The following GJE1 variants were observed in gnomAD, a reference collection of about 807,000 sequenced individuals.
The protein encoded by GJE1 is gap junction epsilon-1 protein.
Under a neutral mutation model 6.2 loss-of-function variants are expected in GJE1, and 9 were observed. The observed-to-expected ratio is 1.45, with a 90% confidence interval of 0.87 to 2.52. The LOEUF is 2.52. Ranked by LOEUF, GJE1 falls within the 30% of genes most tolerant of loss-of-function variation. GJE1 has a pLI of 0.00. For synonymous variants in GJE1, 65 were observed against 30.1 expected (o/e 2.16, Z -3.80); for missense variants, 190 against 87.7 (o/e 2.17, Z -4.66).
chr6:142,133,224 A>C, intron 1 of GJE1, 27 bp downstream of exon 1: 1 of 645,360 alleles, frequency 1.5e-6, no homozygotes, highest in Non-Finnish European at 2.8e-6. Context: ...CAAAAAATCA[A>C]TTGTATGAGT....
chr6:142,134,606 T>C (rs761569315), exon 3 of GJE1: 26 of 668,788 alleles, frequency 3.9e-5, no homozygotes, highest in Non-Finnish European at 6.2e-5. Context: ...TGTAAAAGCA[T>C]CAATCAAGAA....
rs529971744 is a variant in GJE1 at position 142,133,763 on chromosome 6, T to C, written c.40-87T>C. On this transcript the variant is annotated intron_variant, in intron 1 of 2. Coordinates refer to ENST00000450456, the Ensembl canonical transcript of GJE1. ...CTTCAAAACTTCTTGACTCTTACAT[T>C]TTTTAAATGTGATATAAGGATTTTT... The C allele has an allele frequency of 1.9e-5, 10 of 526,880 alleles. No individual in the cohort carries two copies. The South Asian group carries it at 2.9e-4, about 15-fold the overall frequency. 32.6% of individuals were successfully genotyped at this position (526,880 alleles called of 1,614,324 possible).
chr6:142,134,440 G>T, intron 2 of GJE1, 99 bp from the exon 3 acceptor site: 1 of 442,916 alleles, frequency 2.3e-6, no homozygotes, highest in Non-Finnish European at 4.0e-6. Context: ...TTTTAAATTA[G>T]ACTCTGTTGA....
In GJE1 at chr6:142,134,046, T is replaced by G. The variant is rs1053172204; in HGVS notation, c.234+2T>G. On this transcript the variant is annotated splice_donor_variant, in intron 2 of 2. Transcript: ENST00000450456. LOFTEE classifies it high-confidence loss of function. ...ATCACTCCACAAGTAAGTTTTTCTG[T>G]GTGCACATAAACATTAACTCTACAA... 7.4e-6 allele frequency: 5 copies of G among 672,046 alleles called. No homozygotes were observed. Among genetic ancestry groups the G allele is most frequent in the Admixed American group, 4.1e-5 (2 of 48,806 alleles). 41.6% of individuals were successfully genotyped at this position (672,046 alleles called of 1,614,324 possible).
At chr6:142,134,860 T>A (rs1157014010) in exon 3 of GJE1, 1 of 637,898 alleles carries the variant, frequency 1.6e-6, no homozygotes, top group Non-Finnish European at 2.8e-6. Flanking sequence ...TACAATTTTA[T>A]TATTTGTTGC....
At chr6:142,133,858 T>A (rs758652886) in exon 2 of GJE1, 1 of 690,568 alleles carries the variant, frequency 1.4e-6, no homozygotes, top group Non-Finnish European at 2.7e-6. Context: ...AGGTTAAACC[T>A]CCAACTGTGA....
chr6:142,133,909 A>C (rs1264602844), exon 2 of GJE1: 1 of 702,388 alleles, frequency 1.4e-6, no homozygotes, highest in Non-Finnish European at 2.6e-6. Context: ...CGATCCGAAT[A>C]TTCTTCCTCG....
chr6:142,133,019 G>C, upstream of GJE1: 1 of 481,282 alleles, frequency 2.1e-6, no homozygotes, highest in African/African-American at 1.9e-5. Context: ...AAAGGAGGAG[G>C]GGAGAGAAAT....
Position 142,134,058 on chromosome 6 carries a change from C to T in GJE1, c.234+14C>T, listed in dbSNP as rs573282393. 13 of 652,950 alleles carry T rather than the reference C, an allele frequency of 2.0e-5. No individual in the cohort carries two copies. The East Asian group carries it at 3.3e-4, about 17-fold the overall frequency. The allele number at this position is 652,950 out of a possible 1,614,324, so 40.4% of individuals were successfully genotyped here. ...GTAAGTTTTTCTGTGTGCACATAAA[C>T]ATTAACTCTACAACAAACTCATTTT... On this transcript the variant is annotated intron_variant, in intron 2 of 2. Coordinates refer to ENST00000450456, the Ensembl canonical transcript of GJE1.
chr6:142,133,018 G>A, upstream of GJE1: 1 of 481,782 alleles, frequency 2.1e-6, no homozygotes, highest in East Asian at 3.1e-5. Context: ...TAAAGGAGGA[G>A]GGGAGAGAAA....
chr6:142,133,190 A>G, exon 1 of GJE1: 1 of 685,698 alleles, frequency 1.5e-6, no homozygotes, highest in Non-Finnish European at 2.7e-6. Context: ...AACTTCTATG[A>G]AGGATGTGTA....
intron 1 of GJE1, 56 bp downstream of exon 1, chr6:142,133,253 CCT>C (rs1247889803): frequency 1.7e-6 from 1 of 591,102 alleles, no homozygotes; most frequent in African/African-American, 1.8e-5. Flanking sequence ...AGTATTTTAC[CCT>C]GAATTGCATA....
chr6:142,134,663 T>C, exon 3 of GJE1: 1 of 695,552 alleles, frequency 1.4e-6, no homozygotes, highest in Non-Finnish European at 2.6e-6. Context: ...ATACTCTCTG[T>C]TTTATTAAGA....
exon 3 of GJE1, chr6:142,135,061 TG>T: frequency 2.4e-6 from 1 of 410,742 alleles, no homozygotes; most frequent in Non-Finnish European, 4.3e-6. Flanking sequence ...AGTGCCTGGT[TG>T]TAAGGTAAGG....
At chr6:142,133,790 T>C in intron 1 of GJE1, 60 bp from the exon 2 acceptor site, 1 of 550,670 alleles carries the variant, frequency 1.8e-6, no homozygotes, top group East Asian at 2.8e-5. Flanking sequence ...AGGATTTTTT[T>C]AAATGTCCTC....
chr6:142,133,899 C>T (rs543603733), exon 2 of GJE1: 13 of 701,936 alleles, frequency 1.9e-5, no homozygotes, highest in South Asian at 3.0e-5. Flanking sequence ...TTCTTTGGAT[C>T]GATCCGAATA....
chr6:142,133,044 G>A, upstream of GJE1: 1 of 505,302 alleles, frequency 2.0e-6, no homozygotes, highest in South Asian at 3.2e-5. Context: ...AGTGATGAGT[G>A]TTTTCTGCTG....
intron 1 of GJE1, among the ~76,000 whole-genome samples, chr6:142,133,484 A>G (rs1429164096): frequency 1.3e-5 from 2 of 152,216 alleles, no homozygotes; most frequent in Non-Finnish European, 2.9e-5. Flanking sequence ...TTGTTAAGAT[A>G]GTGTACGGAC....
At chr6:142,133,912 C>T (rs1487066049) in exon 2 of GJE1, 3 of 702,200 alleles carry the variant, frequency 4.3e-6, no homozygotes, top group Non-Finnish European at 7.8e-6. Context: ...TCCGAATATT[C>T]TTCCTCGGGG....
Sources: allele counts gnomAD v4.1 joint callset (sites outside exome capture counted in the v4.1 genomes callset), GRCh38; gene constraint gnomAD v4.1.1; transcripts MANE v1.5; gene names NCBI Gene and HGNC (gene_info 2026-07-23, HGNC 2026-07-21).